Variants in PIK3AP1 observed in about 807,000 individuals in gnomAD.
The protein encoded by PIK3AP1 is phosphoinositide 3-kinase adapter protein 1.
PIK3AP1 carries 21 observed loss-of-function variants against 88.1 expected under a neutral mutation model. The observed-to-expected ratio is 0.24, with a 90% CI of 0.17 to 0.34. PIK3AP1 has a LOEUF of 0.34. Among genes scored for constraint, PIK3AP1 ranks in the 10% least tolerant of loss-of-function variants. The pLI is 1.00. For synonymous variants in PIK3AP1, 398 were observed against 400.0 expected (o/e 1.00, Z 0.06); for missense variants, 828 against 1,035.7 (o/e 0.80, Z 2.75).
At chr10:96,627,016 G>A in intron 9 of PIK3AP1, 111 bp from the exon 10 acceptor site, 2 of 996,104 alleles carry the variant, frequency 2.0e-6, no homozygotes, top group South Asian at 1.4e-5. Context: ...CTGCCCCCTG[G>A]CAAAGGACTT....
At chr10:96,599,419 T>G (rs919160382) in intron 16 of PIK3AP1, among the ~76,000 whole-genome samples, 2 of 152,092 alleles carry the variant, frequency 1.3e-5, no homozygotes, top group Non-Finnish European at 2.9e-5. Flanking sequence ...GATGGAGACT[T>G]GGGGTCTTTG....
intron 8 of PIK3AP1, among the ~76,000 whole-genome samples, chr10:96,628,897 T>TACACACAC (rs1564961287): frequency 1.6e-4 from 4 of 25,714 alleles, no homozygotes; most frequent in African/African-American, 4.0e-4. Flanking sequence ...TACATATATA[T>TACACACAC]ATATATATAT....
rs1237526417 is a variant in PIK3AP1 at position 96,593,984 on chromosome 10, C to T, written c.*1593G>A. 6.6e-6 allele frequency: 1 copy of T among 152,068 alleles called. No individual in the cohort carries two copies. The highest frequency in any genetic ancestry group is 1.9e-4 in the East Asian group (1 of 5,192). The allele number at this position is 152,068 out of a possible 1,614,324, so 9.4% of individuals were successfully genotyped here. On this transcript the variant is annotated 3_prime_UTR_variant, in exon 17 of 17. Coordinates refer to ENST00000339364, the MANE Select transcript of PIK3AP1 (RefSeq NM_152309.3). The stretch of plus-strand genomic sequence containing the variant: ...TCATTAATGTGGATTTTTTTACATT[C>T]GTGTGGGATAGAGAATAATCCCATG...
intron 2 of PIK3AP1, among the ~76,000 whole-genome samples, chr10:96,696,846 G>A (rs1388820808): frequency 1.3e-5 from 2 of 152,148 alleles, no homozygotes; most frequent in Non-Finnish European, 2.9e-5. Flanking sequence ...TAATTTGTTA[G>A]CTGAAGTGAA....
At position 96,602,363 on chromosome 10, in the gene PIK3AP1, A is replaced by G; in HGVS notation, c.2277T>C (p.Ser759=). 6.2e-7 allele frequency: 1 copy of G among 1,612,754 alleles called. No homozygotes were observed. Among genetic ancestry groups the G allele is most frequent in the South Asian group, 1.1e-5 (1 of 91,018 alleles). ...NEVPEVTRSR[S]PGPPQVDGTP... ...TCCCATCCACTTGTGGGGGGCCTGG[A>G]CTGCGACTTCTGGTAACCTCAGGGA... Residue 759 remains serine (S), a synonymous_variant, in exon 16 of 17, where the codon AGT becomes AGC. Coordinates refer to ENST00000339364, the MANE Select transcript of PIK3AP1 (RefSeq NM_152309.3).
At chr10:96,614,407 T>C (rs1202333477) in intron 13 of PIK3AP1, among the ~76,000 whole-genome samples, 1 of 150,778 alleles carries the variant, frequency 6.6e-6, no homozygotes, top group Non-Finnish European at 1.5e-5. Flanking sequence ...CTTTTCTGCC[T>C]TCTCTCCTTT....
intron 2 of PIK3AP1, among the ~76,000 whole-genome samples, chr10:96,681,961 T>C (rs1188100981): frequency 6.7e-6 from 1 of 150,152 alleles, no homozygotes; most frequent in Non-Finnish European, 1.5e-5. Context: ...CTTATAGACT[T>C]TAAAAAATAT....
At chr10:96,677,682 G>A (rs1223519164) in intron 2 of PIK3AP1, among the ~76,000 whole-genome samples, 2 of 151,296 alleles carry the variant, frequency 1.3e-5, no homozygotes, top group African/African-American at 2.4e-5. Context: ...GTTTGGTCAC[G>A]TGCAATACAA....
chr10:96,670,515 C>G (rs1171203568), intron 2 of PIK3AP1, among the ~76,000 whole-genome samples: 1 of 151,992 alleles, frequency 6.6e-6, no homozygotes, highest in Non-Finnish European at 1.5e-5. Flanking sequence ...ACTTTTCTGG[C>G]AGAGGAAAAG....
At chr10:96,701,024 C>T in intron 2 of PIK3AP1, 1 of 281,550 alleles carries the variant, frequency 3.6e-6, no homozygotes, top group Non-Finnish European at 5.4e-6. Flanking sequence ...AAAGACAAGA[C>T]ACCAGGCATG....
chr10:96,676,914 G>C (rs547605469), intron 2 of PIK3AP1, among the ~76,000 whole-genome samples: 1 of 152,034 alleles, frequency 6.6e-6, no homozygotes, highest in Non-Finnish European at 1.5e-5. Flanking sequence ...ACTCAAGGAC[G>C]GACTGAACCC....
chr10:96,711,739 A>ATTTTTTTTTTTTTTTTTTTTTTTTTTT, intron 1 of PIK3AP1, among the ~76,000 whole-genome samples: 1 of 66,446 alleles, frequency 1.5e-5, no homozygotes, highest in African/African-American at 7.0e-5. Flanking sequence ...AGATTACCAA[A>ATTTTTTTTTTTTTTTTTTTTTTTTTTT]TTTTTTTTTT....
chr10:96,696,004 T>C (rs1247329316), intron 2 of PIK3AP1, among the ~76,000 whole-genome samples: 1 of 152,196 alleles, frequency 6.6e-6, no homozygotes, highest in Non-Finnish European at 1.5e-5. Flanking sequence ...ATTTGCTCCA[T>C]GGAAATGGTT....
chr10:96,632,638 T>G (rs1159435346), intron 8 of PIK3AP1, among the ~76,000 whole-genome samples: 1 of 152,214 alleles, frequency 6.6e-6, no homozygotes, highest in Non-Finnish European at 1.5e-5. Flanking sequence ...ACACCTTAAC[T>G]GGTGGTTAAG....
chr10:96,702,237 A>G (rs539387868), intron 2 of PIK3AP1, among the ~76,000 whole-genome samples: 2 of 152,304 alleles, frequency 1.3e-5, no homozygotes, highest in African/African-American at 4.8e-5. Flanking sequence ...GCGGTGGCTC[A>G]TGCCTGTAAT....
At chr10:96,604,922 C>T (rs1225912630) in intron 14 of PIK3AP1, among the ~76,000 whole-genome samples, 4 of 152,090 alleles carry the variant, frequency 2.6e-5, no homozygotes, top group East Asian at 3.9e-4. Context: ...TGCAGTGGCA[C>T]GATCTCGGCT....
At chr10:96,599,803 G>A (rs190035898) in intron 16 of PIK3AP1, among the ~76,000 whole-genome samples, 171 of 152,102 alleles carry the variant, frequency 1.1e-3, no homozygotes, top group African/African-American at 3.4e-3. Context: ...AAACTGCTTC[G>A]TAAACATTGT....
At chr10:96,629,909 C>CAAAAAAAAAAAAAA (rs66669261) in intron 8 of PIK3AP1, among the ~76,000 whole-genome samples, 1 of 5,412 alleles carries the variant, frequency 1.8e-4, no homozygotes, top group African/African-American at 2.5e-4. Context: ...CAACAACAAC[C>CAAAAAAAAAAAAAA]AAAAAAAAAA....
At chr10:96,708,575 A>AAAAAAAAAAAAAAC in intron 2 of PIK3AP1, among the ~76,000 whole-genome samples, 1 of 117,834 alleles carries the variant, frequency 8.5e-6, no homozygotes, top group African/African-American at 3.4e-5. Context: ...GATCTGTCTC[A>AAAAAAAAAAAAAAC]AAAAAAAAAA....
Sources: allele counts gnomAD v4.1 joint callset (sites outside exome capture counted in the v4.1 genomes callset), GRCh38; gene constraint gnomAD v4.1.1; transcripts MANE v1.5; gene names NCBI Gene and HGNC (gene_info 2026-07-23, HGNC 2026-07-21).